SMIM36: variants seen among roughly 807,000 people sequenced by gnomAD.
The protein encoded by SMIM36 is small integral membrane protein 36.
chr17:55,510,567 T>G (rs1281969312), intron 1 of SMIM36, among the ~76,000 whole-genome samples: 1 of 152,164 alleles, frequency 6.6e-6, no homozygotes, highest in Non-Finnish European at 1.5e-5. Context: ...CACTTAAGCA[T>G]GGGCAACAGA....
chr17:55,468,363 A>G (rs1909280528), intron 3 of SMIM36: 1 of 152,540 alleles, frequency 6.6e-6, no homozygotes, highest in Non-Finnish European at 1.5e-5. Context: ...GCTACCCTTC[A>G]ATCTCACTGT....
At chr17:55,523,260 G>A in the SMIM36 span, among the ~76,000 whole-genome samples, 1 of 152,162 alleles carries the variant, frequency 6.6e-6, no homozygotes, top group Admixed American at 6.5e-5. Context: ...GGCTGGGTGT[G>A]GTGGCTCATG....
At chr17:55,459,824 C>T (rs1443101949) in intron 4 of SMIM36, among the ~76,000 whole-genome samples, 4 of 151,976 alleles carry the variant, frequency 2.6e-5, no homozygotes, top group Non-Finnish European at 4.4e-5. Flanking sequence ...TGGCAAGACC[C>T]TGTCTCTACA....
intron 1 of SMIM36, among the ~76,000 whole-genome samples, chr17:55,500,193 T>C (rs552973941): frequency 6.6e-6 from 1 of 152,202 alleles, no homozygotes; most frequent in African/African-American, 2.4e-5. Flanking sequence ...AATGTGATCA[T>C]GGCTCACTGC....
chr17:55,469,999 A>C (rs550681646), intron 3 of SMIM36, among the ~76,000 whole-genome samples: 1 of 152,196 alleles, frequency 6.6e-6, no homozygotes, highest in African/African-American at 2.4e-5. Flanking sequence ...AAACAAAAAA[A>C]AACCACAACT....
chr17:55,517,058 G>C, the SMIM36 span, among the ~76,000 whole-genome samples: 2 of 152,170 alleles, frequency 1.3e-5, no homozygotes, highest in African/African-American at 4.8e-5. Context: ...TATATTCTTG[G>C]AAGACTGCCA....
chr17:55,523,529 CAAA>C, the SMIM36 span, among the ~76,000 whole-genome samples: 3 of 62,142 alleles, frequency 4.8e-5, no homozygotes, highest in East Asian at 4.6e-4. Context: ...GACTCCGTCT[CAAA>C]AAAAAAAAAA....
At chr17:55,457,706 T>C (rs1423782886) in intron 4 of SMIM36, among the ~76,000 whole-genome samples, 2 of 151,754 alleles carry the variant, frequency 1.3e-5, no homozygotes, top group African/African-American at 2.4e-5. Flanking sequence ...TTTGTATTTT[T>C]AGTAGAGACG....
chr17:55,465,711 T>A (rs927654713), intron 4 of SMIM36, among the ~76,000 whole-genome samples: 1 of 152,066 alleles, frequency 6.6e-6, no homozygotes, highest in African/African-American at 2.4e-5. Context: ...AAGCAGAGAC[T>A]GGTTTCTGTG....
rs147518782 is a variant in SMIM36, at chr17:55,465,070, G to A, written c.*531+2075C>T. Among the ~76,000 whole-genome samples the A allele has an allele frequency of 2.2e-3, 341 of 152,328 alleles. 3 individuals carry two copies. In the Middle Eastern group the frequency reaches 0.058, roughly 26 times the overall value. On this transcript the variant is annotated intron_variant, in intron 4 of 4. Transcript: ENST00000636752. ...CATCTCGGACTACATGAATAGAAGT[G>A]TACAGTGGGCAGCAAGAGAGCTCTG... is the stretch of plus-strand genomic sequence containing the variant.
At chr17:55,527,560 CTG>C in the SMIM36 span, among the ~76,000 whole-genome samples, 2 of 152,252 alleles carry the variant, frequency 1.3e-5, no homozygotes, top group East Asian at 1.9e-4. Context: ...GTCAGGGAAA[CTG>C]TGTTTTCTTT....
chr17:55,513,366 GTT>G (rs1910215018), upstream of SMIM36, among the ~76,000 whole-genome samples: 4 of 152,170 alleles, frequency 2.6e-5, no homozygotes, highest in Admixed American at 2.6e-4. Context: ...ACTGTCCAAG[GTT>G]TTAAGTCCGA....
At chr17:55,471,395 C>A (rs577285327) in intron 3 of SMIM36, among the ~76,000 whole-genome samples, 10 of 152,104 alleles carry the variant, frequency 6.6e-5, no homozygotes, top group Non-Finnish European at 1.2e-4. Context: ...CTGAGTATCC[C>A]CCTCCAAGGC....
intron 3 of SMIM36, among the ~76,000 whole-genome samples, chr17:55,467,618 G>C (rs1567863945): frequency 6.6e-6 from 1 of 152,182 alleles, no homozygotes; most frequent in South Asian, 2.1e-4. Flanking sequence ...GGATGGTCTC[G>C]ATCTCCTGAC....
intron 1 of SMIM36, among the ~76,000 whole-genome samples, chr17:55,498,041 C>T (rs1909838631): frequency 6.6e-6 from 1 of 152,178 alleles, no homozygotes; most frequent in East Asian, 1.9e-4. Flanking sequence ...AGGCCATGTT[C>T]CTTTTGAAGG....
intron 4 of SMIM36, among the ~76,000 whole-genome samples, chr17:55,455,607 T>C (rs1053095411): frequency 6.6e-6 from 1 of 151,896 alleles, no homozygotes; most frequent in African/African-American, 2.4e-5. Context: ...TTGGGCAACA[T>C]AGTGAGACCT....
intron 1 of SMIM36, among the ~76,000 whole-genome samples, chr17:55,501,085 ATAC>A (rs373687527): frequency 8.0e-5 from 2 of 24,854 alleles, no homozygotes; most frequent in African/African-American, 1.8e-4. Context: ...AATATATAAT[ATAC>A]TATTATATTT....
At chr17:55,496,723 A>G (rs542545192) in intron 1 of SMIM36, among the ~76,000 whole-genome samples, 3 of 152,260 alleles carry the variant, frequency 2.0e-5, no homozygotes, top group Admixed American at 1.3e-4. Flanking sequence ...ATTCCCCAAA[A>G]GTGATGGCAG....
intron 4 of SMIM36, among the ~76,000 whole-genome samples, chr17:55,466,745 C>T (rs1197827972): frequency 6.6e-6 from 1 of 152,114 alleles, no homozygotes; most frequent in Non-Finnish European, 1.5e-5. Flanking sequence ...GGAAGCACCC[C>T]GGGTCTGCTC....
Sources: gnomAD v4.1 joint callset for allele counts (sites outside exome capture counted in the v4.1 genomes callset) on GRCh38, gnomAD v4.1.1 for gene constraint, MANE v1.5 for transcripts, NCBI Gene and HGNC (gene_info 2026-07-23, HGNC 2026-07-21) for gene names.